PDE4B: variants seen among roughly 807,000 people sequenced by gnomAD.
PDE4B encodes the protein 3',5'-cyclic-AMP phosphodiesterase 4B.
A neutral mutation model predicts 82.2 loss-of-function variants in PDE4B; 20 were observed. The ratio of observed to expected loss-of-function variants is 0.24; its 90% CI spans 0.17 to 0.35. The LOEUF (loss-of-function observed/expected upper bound fraction) is 0.35, where lower values mean the gene tolerates loss of function less well. PDE4B is among the 10% of genes least tolerant of loss of function. The pLI is 1.00. For synonymous variants in PDE4B, 320 were observed against 318.9 expected, an observed-to-expected ratio of 1.00 and a Z score of -0.04; for missense variants, 655 against 907.2, an observed-to-expected ratio of 0.72 and a Z score of 3.57.
chr1:66,324,874 G>T (rs1049426528), intron 7 of PDE4B, among the ~76,000 whole-genome samples: 5 of 152,050 alleles, frequency 3.3e-5, no homozygotes, highest in Non-Finnish European at 7.4e-5. Flanking sequence ...AAAATAACAT[G>T]CCCTCTTGAA....
At chr1:66,120,612 C>T (rs1338232718) in intron 3 of PDE4B, among the ~76,000 whole-genome samples, 2 of 152,100 alleles carry the variant, frequency 1.3e-5, no homozygotes, top group East Asian at 1.9e-4. Context: ...TCTAAGGTTT[C>T]ACATCAAAAT....
At chr1:66,366,115 G>A (rs1176690154) in intron 13 of PDE4B, among the ~76,000 whole-genome samples, 2 of 152,060 alleles carry the variant, frequency 1.3e-5, no homozygotes, top group Admixed American at 6.6e-5. Context: ...CAAAACTCTC[G>A]CACAGAGCAT....
At chr1:66,170,516 A>C (rs188361998) in intron 3 of PDE4B, among the ~76,000 whole-genome samples, 1 of 152,300 alleles carries the variant, frequency 6.6e-6, no homozygotes, top group East Asian at 1.9e-4. Context: ...AAATATGACT[A>C]TTTTAAAAAA....
In PDE4B at chr1:66,261,470, A is replaced by G. The variant is rs116237783; in HGVS notation, c.584+3607A>G. Among the ~76,000 whole-genome samples the G allele has an allele frequency of 6.5e-3, 991 of 152,280 alleles. 11 individuals are homozygous for G. Among genetic ancestry groups the G allele is most frequent in the African/African-American group, 0.023 (950 of 41,560 alleles). On this transcript the variant is annotated intron_variant, in intron 6 of 16. Transcript: ENST00000341517. ...TCCTTTCTGATATACTTGACTTCAG[A>G]TCCAGGGTGCCACTCCCTGCCTTGA... is the stretch of plus-strand genomic sequence containing the variant.
chr1:66,078,205 T>C (rs566480741), intron 3 of PDE4B, among the ~76,000 whole-genome samples: 29 of 151,970 alleles, frequency 1.9e-4, no homozygotes, highest in Admixed American at 2.6e-4. Context: ...TTCTTTCTTT[T>C]TTTTTTTTCA....
chr1:66,135,052 G>C (rs1646028998), intron 3 of PDE4B, among the ~76,000 whole-genome samples: 1 of 152,150 alleles, frequency 6.6e-6, no homozygotes, highest in South Asian at 2.1e-4. Context: ...GGTGGTATGA[G>C]GTAGATGAAT....
chr1:66,278,550 G>A (rs1039330378), intron 7 of PDE4B, among the ~76,000 whole-genome samples: 3 of 152,204 alleles, frequency 2.0e-5, no homozygotes, highest in African/African-American at 7.2e-5. Flanking sequence ...CACCAAAAGA[G>A]CCAGTCATCC....
intron 3 of PDE4B, among the ~76,000 whole-genome samples, chr1:65,971,389 G>A (rs1239186946): frequency 6.6e-6 from 1 of 152,072 alleles, no homozygotes; most frequent in African/African-American, 2.4e-5. Context: ...CAGAAGACAT[G>A]TTAATAGCAG....
chr1:66,006,975 A>T (rs187024929), intron 3 of PDE4B, among the ~76,000 whole-genome samples: 2 of 152,140 alleles, frequency 1.3e-5, no homozygotes, highest in Non-Finnish European at 2.9e-5. Flanking sequence ...AAATTAAAAA[A>T]ATAATAAATT....
At position 66,278,277 on chromosome 1, in the gene PDE4B, G is replaced by T. The variant is rs997945609; in HGVS notation, c.634+12190G>T. On this transcript the variant is annotated intron_variant, in intron 7 of 16. Coordinates refer to ENST00000341517, the MANE Select transcript of PDE4B (RefSeq NM_002600.4). ...CTGGGGTATATTCTGATAAGGAGGAGCCTGCTTATGGGGCCAGAGAAACTG... is the reference window on the plus strand; with the variant it reads ...CTGGGGTATATTCTGATAAGGAGGATCCTGCTTATGGGGCCAGAGAAACTG... 3.3e-5 allele frequency among the ~76,000 whole-genome samples: 5 copies of T among 152,192 alleles called. No homozygotes were observed. In the South Asian group the frequency reaches 1.0e-3, roughly 31 times the overall value.
intron 1 of PDE4B, among the ~76,000 whole-genome samples, chr1:65,887,188 TTCTTTC>T (rs1170852214): frequency 9.5e-5 from 1 of 10,488 alleles, no homozygotes; most frequent in South Asian, 3.1e-3. Flanking sequence ...CCCTCCCTTT[TTCTTTC>T]TTTCTTTCTT....
intron 3 of PDE4B, among the ~76,000 whole-genome samples, chr1:66,246,906 T>A (rs1328190169): frequency 2.0e-5 from 3 of 152,246 alleles, no homozygotes; most frequent in Non-Finnish European, 4.4e-5. Flanking sequence ...AGGCTGGGCC[T>A]CCCATCTAAT....
At chr1:65,879,478 A>G (rs546811942) in intron 1 of PDE4B, among the ~76,000 whole-genome samples, 7 of 152,194 alleles carry the variant, frequency 4.6e-5, no homozygotes, top group Admixed American at 6.6e-5. Context: ...ACATAATTCT[A>G]TAAGGTAAAT....
chr1:65,945,152 A>G (rs1355891648), intron 3 of PDE4B, among the ~76,000 whole-genome samples: 1 of 151,950 alleles, frequency 6.6e-6, no homozygotes, highest in East Asian at 1.9e-4. Flanking sequence ...TTTAAAGTGT[A>G]TTCCTCATCC....
At chr1:66,093,737 A>G (rs1279819409) in intron 3 of PDE4B, among the ~76,000 whole-genome samples, 4 of 152,104 alleles carry the variant, frequency 2.6e-5, no homozygotes, top group Non-Finnish European at 5.9e-5. Context: ...TTATTAAGTT[A>G]TCTTTAAAAT....
At chr1:66,078,203 T>C (rs902665765) in intron 3 of PDE4B, among the ~76,000 whole-genome samples, 2 of 148,866 alleles carry the variant, frequency 1.3e-5, no homozygotes, top group Admixed American at 6.7e-5. Context: ...CTTTCTTTCT[T>C]TTTTTTTTTT....
intron 8 of PDE4B, among the ~76,000 whole-genome samples, chr1:66,340,050 G>A (rs1248594239): frequency 6.6e-6 from 1 of 152,156 alleles, no homozygotes; most frequent in Non-Finnish European, 1.5e-5. Flanking sequence ...ACAAGAAGAT[G>A]CCAGGGCAAA....
At chr1:66,132,871 GAGAAGA>G (rs1403122165) in intron 3 of PDE4B, among the ~76,000 whole-genome samples, 1 of 152,180 alleles carries the variant, frequency 6.6e-6, no homozygotes, top group South Asian at 2.1e-4. Context: ...AAAGACCCCA[GAGAAGA>G]CCAAGGTCAT....
At chr1:65,883,292 G>A (rs1230378605) in intron 1 of PDE4B, among the ~76,000 whole-genome samples, 1 of 152,146 alleles carries the variant, frequency 6.6e-6, no homozygotes, top group Non-Finnish European at 1.5e-5. Flanking sequence ...CCATGAGCAT[G>A]GAATGTTCTT....
Sources: gnomAD v4.1 joint callset for allele counts (sites outside exome capture counted in the v4.1 genomes callset) on GRCh38, gnomAD v4.1.1 for gene constraint, MANE v1.5 for transcripts, NCBI Gene and HGNC (gene_info 2026-07-23, HGNC 2026-07-21) for gene names.